The following CDH19 variants were observed in gnomAD, a reference collection of about 807,000 sequenced individuals.
CDH19 encodes cadherin 19, also known as cadherin-19.
CDH19 carries 67 observed loss-of-function variants against 64.2 expected under a neutral mutation model. That is an observed-to-expected ratio of 1.04 (90% confidence interval 0.86 to 1.28). The LOEUF is 1.28. Ranked by LOEUF, CDH19 falls within the 50% of genes most tolerant of loss-of-function variation. The probability of loss-of-function intolerance (pLI) is 0.00; values close to 1 mark genes in which losing one functional copy is unlikely to be tolerated. For synonymous variants in CDH19, 346 were observed against 319.3 expected (o/e 1.08, Z -0.89); for missense variants, 1,030 against 929.0 (o/e 1.11, Z -1.41).
chr18:66,558,039 C>A (rs1045823726), intron 3 of CDH19, among the ~76,000 whole-genome samples: 4 of 151,576 alleles, frequency 2.6e-5, no homozygotes, highest in South Asian at 4.2e-4. Flanking sequence ...ATTAGTGCAA[C>A]TCCTGTAGGT....
chr18:66,567,008 C>A (rs1488366201), intron 3 of CDH19, among the ~76,000 whole-genome samples: 1 of 151,740 alleles, frequency 6.6e-6, no homozygotes, highest in Non-Finnish European at 1.5e-5. Flanking sequence ...CAAATATCAC[C>A]TCCTAAAATG....
intron 3 of CDH19, among the ~76,000 whole-genome samples, chr18:66,557,754 G>C (rs540438651): frequency 6.6e-6 from 1 of 151,548 alleles, no homozygotes; most frequent in African/African-American, 2.4e-5. Flanking sequence ...TGTATATATA[G>C]GCATATATGT....
intron 1 of CDH19, among the ~76,000 whole-genome samples, chr18:66,581,650 G>A (rs936550647): frequency 3.3e-5 from 5 of 152,044 alleles, no homozygotes; most frequent in Non-Finnish European, 7.4e-5. Context: ...TAGGTTCTTC[G>A]GCCTTTGGAC....
chr18:66,563,477 C>G (rs920299322), intron 3 of CDH19, among the ~76,000 whole-genome samples: 44 of 151,870 alleles, frequency 2.9e-4, no homozygotes, highest in African/African-American at 8.2e-4. Context: ...TTGTCAACTT[C>G]AATGTTATAC....
chr18:66,559,338 G>A (rs1455506363), intron 3 of CDH19, among the ~76,000 whole-genome samples: 3 of 151,832 alleles, frequency 2.0e-5, no homozygotes, highest in African/African-American at 7.3e-5. Context: ...ATGCTTTTAA[G>A]CCTTGACAGT....
intron 2 of CDH19, among the ~76,000 whole-genome samples, chr18:66,571,737 A>G (rs940850242): frequency 2.0e-5 from 3 of 151,626 alleles, no homozygotes; most frequent in East Asian, 1.9e-4. Flanking sequence ...CATTACCAAA[A>G]ATAACGCAAT....
At chr18:66,543,911 AT>A in intron 7 of CDH19, 59 bp downstream of exon 7, 1 of 1,232,140 alleles carries the variant, frequency 8.1e-7, no homozygotes, top group Non-Finnish European at 1.1e-6. Context: ...ATGCAATTTT[AT>A]TTTTAATCTA....
chr18:66,579,069 G>T (rs934481694), intron 1 of CDH19, among the ~76,000 whole-genome samples: 4 of 151,800 alleles, frequency 2.6e-5, no homozygotes, highest in African/African-American at 9.7e-5. Context: ...TCTGTATTGT[G>T]ATGAAAGTCT....
In CDH19 at chr18:66,544,797, G is replaced by C; in HGVS notation, c.882C>G (p.Ser294Arg). ...DIGENAEMDY[S>R]IEEDDSQTFD... is the part of the protein sequence containing the mutation. ...ATGTTTGCGAATCATCCTCTTCAAT[G>C]CTGTAATCCATTTCTGCATTCTCTC... Residue 294 changes from serine (S) to arginine (R), a missense_variant, in exon 6 of 12, where the codon AGC becomes AGG. Transcript: ENST00000262150. 3 of 1,611,894 alleles carry C rather than the reference G, an allele frequency of 1.9e-6. No homozygotes were observed. The highest frequency in any genetic ancestry group is 2.5e-6 in the Non-Finnish European group (3 of 1,178,192).
chr18:66,516,009 T>C (rs1047393351), intron 9 of CDH19, among the ~76,000 whole-genome samples: 1 of 151,850 alleles, frequency 6.6e-6, no homozygotes, highest in African/African-American at 2.4e-5. Flanking sequence ...ATACCCAAAT[T>C]ACATTTTAAA....
intron 3 of CDH19, 36 bp from the exon 4 acceptor site, chr18:66,554,560 G>A (rs1987452517): frequency 6.3e-7 from 1 of 1,584,652 alleles, no homozygotes; most frequent in Non-Finnish European, 8.6e-7. Context: ...TAAGATTGTG[G>A]TTTTATTCAG....
chr18:66,528,154 T>C (rs973080488), intron 9 of CDH19, among the ~76,000 whole-genome samples: 17 of 152,080 alleles, frequency 1.1e-4, no homozygotes, highest in African/African-American at 4.1e-4. Flanking sequence ...GATTTACATG[T>C]TATTATTTAA....
intron 3 of CDH19, among the ~76,000 whole-genome samples, chr18:66,563,132 C>T (rs1308209543): frequency 1.3e-5 from 2 of 151,932 alleles, no homozygotes; most frequent in African/African-American, 2.4e-5. Flanking sequence ...CCTATGCAGA[C>T]TAATTTAGAT....
chr18:66,593,699 C>G (rs1328993638), intron 1 of CDH19, among the ~76,000 whole-genome samples: 1 of 151,992 alleles, frequency 6.6e-6, no homozygotes, highest in African/African-American at 2.4e-5. Flanking sequence ...CTAATGTACA[C>G]CATAAGTTTC....
chr18:66,593,716 T>C (rs1988807183), intron 1 of CDH19, among the ~76,000 whole-genome samples: 1 of 152,140 alleles, frequency 6.6e-6, no homozygotes, highest in African/African-American at 2.4e-5. Context: ...TTTCCAATTC[T>C]GATCTTTTAT....
intron 1 of CDH19, among the ~76,000 whole-genome samples, chr18:66,600,788 T>C (rs1376722055): frequency 2.0e-5 from 3 of 151,828 alleles, no homozygotes; most frequent in Non-Finnish European, 2.9e-5. Flanking sequence ...ACCAATAAAT[T>C]TGGAGTCAAA....
intron 1 of CDH19, among the ~76,000 whole-genome samples, chr18:66,588,605 C>CATATACATATATATAT (rs1988644480): frequency 2.6e-5 from 3 of 116,736 alleles, no homozygotes; most frequent in African/African-American, 8.0e-5. Flanking sequence ...TTTTACTAAT[C>CATATACATATATATAT]ATATATATCT....
Position 66,568,627 on chromosome 18 carries a change from A to G in CDH19, c.279T>C (p.Asp93=). 1 of 1,611,820 alleles carries G rather than the reference A, an allele frequency of 6.2e-7. No homozygotes were observed. Among genetic ancestry groups the G allele is most frequent in the Non-Finnish European group, 8.5e-7 (1 of 1,178,660 alleles). ...TGGCATATATGTCACCTGTTCTTTC[A>G]TCAATGATAAAAGTACTTCCAGCTC... is the stretch of plus-strand genomic sequence containing the variant. ...GAGAGSTFII[D]ERTGDIYAIQ... Residue 93 remains aspartate (D), a synonymous_variant, in exon 3 of 12, where the codon GAT becomes GAC. Coordinates refer to ENST00000262150, the MANE Select transcript of CDH19 (RefSeq NM_021153.4).
chr18:66,581,719 C>G (rs576728755), intron 1 of CDH19, among the ~76,000 whole-genome samples: 11 of 152,126 alleles, frequency 7.2e-5, no homozygotes, highest in African/African-American at 2.6e-4. Flanking sequence ...GCACTGTTGG[C>G]CTCCCCGCTT....
Sources: gnomAD v4.1 joint callset for allele counts (sites outside exome capture counted in the v4.1 genomes callset) on GRCh38, gnomAD v4.1.1 for gene constraint, MANE v1.5 for transcripts, NCBI Gene and HGNC (gene_info 2026-07-23, HGNC 2026-07-21) for gene names.